The following EIF4G3 variants were observed in gnomAD, a reference collection of about 807,000 sequenced individuals.
The protein encoded by EIF4G3 is eIF-4-gamma 3.
Under a neutral mutation model 186.4 loss-of-function variants are expected in EIF4G3, and 34 were observed. The ratio of observed to expected loss-of-function variants is 0.18; its 90% CI spans 0.14 to 0.24. The LOEUF is 0.24. EIF4G3 is among the 10% of genes least tolerant of loss of function. The pLI is 1.00. For missense variants in EIF4G3, 1,536 were observed against 1,948.5 expected (o/e 0.79, Z 3.99); for synonymous variants, 673 against 679.5 (o/e 0.99, Z 0.15).
intron 23 of EIF4G3, among the ~76,000 whole-genome samples, chr1:20,860,924 G>C (rs565630289): frequency 5.3e-5 from 8 of 152,208 alleles, no homozygotes; most frequent in African/African-American, 1.9e-4. Flanking sequence ...TTAATCTGTG[G>C]GATTACTACT....
chr1:21,165,931 T>C (rs1393652355), intron 2 of EIF4G3, among the ~76,000 whole-genome samples: 1 of 151,466 alleles, frequency 6.6e-6, no homozygotes, highest in Non-Finnish European at 1.5e-5. Flanking sequence ...CTCTAGAATC[T>C]GGATCCATTA....
intron 3 of EIF4G3, among the ~76,000 whole-genome samples, chr1:21,052,517 A>G (rs1399344463): frequency 6.6e-6 from 1 of 152,192 alleles, no homozygotes; most frequent in Non-Finnish European, 1.5e-5. Context: ...AGGTATAAAA[A>G]TATTAAAACA....
In EIF4G3 at chr1:20,886,306, T is replaced by A. The variant is rs758844549; in HGVS notation, c.2319A>T (p.Thr773=). 1 of 1,614,032 alleles carries A rather than the reference T, an allele frequency of 6.2e-7. No individual in the cohort carries two copies. Among genetic ancestry groups the A allele is most frequent in the Non-Finnish European group, 8.5e-7 (1 of 1,180,016 alleles). The change falls in exon 19 of 37, where the codon ACA becomes ACT. Residue 773 remains threonine (T), a synonymous_variant. Transcript: ENST00000602326. ...GGTGTACATCTTCTTTTACAGAAACTGTGATGATCTTTCTGGGTTCTCTTC... is the reference window on the plus strand; with the variant it reads ...GGTGTACATCTTCTTTTACAGAAACAGTGATGATCTTTCTGGGTTCTCTTC... ...GQRREPRKII[T]VSVKEDVHLK... is the part of the protein sequence containing the mutation.
intron 25 of EIF4G3, among the ~76,000 whole-genome samples, chr1:20,855,299 T>C (rs993711823): frequency 6.6e-6 from 1 of 152,200 alleles, no homozygotes; most frequent in African/African-American, 2.4e-5. Context: ...CTGTTTGGTC[T>C]AGAGAATGCA....
chr1:21,133,043 C>T (rs964895793), intron 2 of EIF4G3, among the ~76,000 whole-genome samples: 9 of 152,186 alleles, frequency 5.9e-5, no homozygotes, highest in African/African-American at 1.4e-4. Flanking sequence ...CTCGGCCTCC[C>T]CAAGTGCTGG....
intron 2 of EIF4G3, among the ~76,000 whole-genome samples, chr1:21,122,932 G>C (rs1050729773): frequency 1.3e-5 from 2 of 152,048 alleles, no homozygotes; most frequent in African/African-American, 2.4e-5. Context: ...TTAAAATAAT[G>C]TATTAGGGCA....
intron 19 of EIF4G3, among the ~76,000 whole-genome samples, chr1:20,883,848 C>T (rs537032389): frequency 3.4e-4 from 52 of 152,088 alleles, no homozygotes; most frequent in Admixed American, 1.5e-3. Context: ...ATATTGAATG[C>T]TAGGTTAAAA....
chr1:20,887,371 A>G (rs2084535591), intron 18 of EIF4G3, among the ~76,000 whole-genome samples: 1 of 152,192 alleles, frequency 6.6e-6, no homozygotes, highest in South Asian at 2.1e-4. Context: ...CGCTTCAGAG[A>G]AAAAAGTCTA....
intron 3 of EIF4G3, 35 bp downstream of exon 3, chr1:21,089,103 G>C (rs1260431124): frequency 4.2e-6 from 3 of 710,422 alleles, no homozygotes; most frequent in Non-Finnish European, 7.8e-6. Flanking sequence ...ACACACAAAA[G>C]CACACACACA....
intron 3 of EIF4G3, among the ~76,000 whole-genome samples, chr1:21,065,843 G>C (rs959361549): frequency 2.0e-5 from 3 of 152,130 alleles, no homozygotes; most frequent in African/African-American, 7.2e-5. Flanking sequence ...AAGCCAGTAA[G>C]TGTAAGACAG....
At chr1:21,123,955 A>C (rs915782266) in intron 2 of EIF4G3, among the ~76,000 whole-genome samples, 1 of 152,152 alleles carries the variant, frequency 6.6e-6, no homozygotes, top group African/African-American at 2.4e-5. Flanking sequence ...TGTGTTTAAG[A>C]TATTCTTCAA....
intron 14 of EIF4G3, among the ~76,000 whole-genome samples, chr1:20,930,865 T>G (rs2095276028): frequency 7.2e-6 from 1 of 139,376 alleles, no homozygotes; most frequent in Admixed American, 7.4e-5. Flanking sequence ...TGAATTACAA[T>G]TTTTTTTTTA....
At chr1:20,842,045 AG>A (rs2068793993) in intron 29 of EIF4G3, among the ~76,000 whole-genome samples, 1 of 152,218 alleles carries the variant, frequency 6.6e-6, no homozygotes, top group African/African-American at 2.4e-5. Flanking sequence ...CAAAATTTCA[AG>A]CCTACAGAAA....
chr1:21,123,806 A>T (rs1273258409), intron 2 of EIF4G3, among the ~76,000 whole-genome samples: 1 of 152,172 alleles, frequency 6.6e-6, no homozygotes, highest in Non-Finnish European at 1.5e-5. Flanking sequence ...CACAAACCTT[A>T]TCCAGTGCTG....
rs1351550514 is a variant in EIF4G3, at chr1:20,864,819, G to A, written c.2770-107C>T. ...TCCCCGTGAGAATCTGATAGCAAGT[G>A]TAGAATCTACTGCTCAGAAAACTGA... On this transcript the variant is annotated intron_variant, in intron 21 of 36. Coordinates refer to ENST00000602326, the MANE Select transcript of EIF4G3 (RefSeq NM_001391906.1). The A allele has an allele frequency of 7.7e-6, 8 of 1,043,336 alleles. 1 individual carries two copies. In the Admixed American group the frequency reaches 1.5e-4, roughly 20 times the overall value. The allele number at this position is 1,043,336 out of a possible 1,614,324, so 64.6% of individuals were successfully genotyped here. A position where few individuals can be genotyped will look rare whatever the true frequency, so the allele number is the denominator to read the frequency against.
At chr1:21,095,968 C>A (rs954503333) in intron 2 of EIF4G3, among the ~76,000 whole-genome samples, 1 of 152,150 alleles carries the variant, frequency 6.6e-6, no homozygotes, top group Non-Finnish European at 1.5e-5. Context: ...GTTTCTAATG[C>A]CCTCACATTT....
chr1:20,864,419 T>C, intron 22 of EIF4G3, 57 bp downstream of exon 22: 1 of 1,266,490 alleles, frequency 7.9e-7, no homozygotes, highest in Non-Finnish European at 1.1e-6. Context: ...ACAGTCTAAG[T>C]TCTTTTGCAA....
chr1:20,859,666 C>A (rs1468034561), intron 24 of EIF4G3, among the ~76,000 whole-genome samples: 1 of 152,330 alleles, frequency 6.6e-6, no homozygotes, highest in Non-Finnish European at 1.5e-5. Flanking sequence ...GTGGCGCGAT[C>A]GCGGCTCACC....
chr1:20,999,632 T>C (rs2083060703), intron 6 of EIF4G3: 2 of 398,926 alleles, frequency 5.0e-6, no homozygotes, highest in African/African-American at 2.1e-5. Context: ...TACATATATA[T>C]AAAAACAAAA....
Sources: allele counts gnomAD v4.1 joint callset (sites outside exome capture counted in the v4.1 genomes callset), GRCh38; gene constraint gnomAD v4.1.1; transcripts MANE v1.5; gene names NCBI Gene and HGNC (gene_info 2026-07-23, HGNC 2026-07-21).